FABP12: variants seen among roughly 807,000 people sequenced by gnomAD.
FABP12 encodes fatty acid-binding protein 12.
A neutral mutation model predicts 13.7 loss-of-function variants in FABP12; 19 were observed. That is an observed-to-expected ratio of 1.39 (90% CI 0.97 to 2.04). The LOEUF is 2.04. Among genes scored for constraint, FABP12 ranks in the 30% most tolerant of loss-of-function variants. The pLI is 0.00. For missense variants in FABP12, 182 were observed against 164.2 expected (o/e 1.11, Z -0.59); for synonymous variants, 61 against 57.0 (o/e 1.07, Z -0.32).
chr8:81,557,935 C>A (rs753647619), intron 1 of FABP12, among the ~76,000 whole-genome samples: 1 of 152,150 alleles, frequency 6.6e-6, no homozygotes, highest in Non-Finnish European at 1.5e-5. Flanking sequence ...GTACTCATGG[C>A]CTTGGCCCTC....
Position 81,558,885 on chromosome 8 carries a change from AT to A in FABP12, c.-184-19143del, listed in dbSNP as rs1389666990. On this transcript the variant is annotated intron_variant, in intron 1 of 5. Transcript: ENST00000692030. ...AGCCTGGGGGACAAAGTAAGGCTCC[AT>A]CAAAAAAAAAAAAAAAAAAAAAAAA... 4.2e-5 allele frequency among the ~76,000 whole-genome samples: 5 copies of A among 119,242 alleles called. No homozygotes were observed. The East Asian group carries it at 1.3e-3, about 32-fold the overall frequency. The allele number at this position is 119,242 out of a possible 152,430, so 78.2% of individuals were successfully genotyped here.
chr8:81,578,823 G>GTTTCTTTTTTTTTTTTTTTTTTT (rs71268012), intron 1 of FABP12, among the ~76,000 whole-genome samples: 4 of 105,666 alleles, frequency 3.8e-5, no homozygotes, highest in African/African-American at 1.6e-4. Context: ...ATTTGTTCAA[G>GTTTCTTTTTTTTTTTTTTTTTTT]TTTTTTTTTT....
At chr8:81,580,731 C>T (rs1010836721) in intron 1 of FABP12, among the ~76,000 whole-genome samples, 3 of 152,154 alleles carry the variant, frequency 2.0e-5, no homozygotes, top group African/African-American at 7.2e-5. Context: ...TGCCTCTCAG[C>T]TGGACCCTAG....
chr8:81,526,455 A>G (rs1808901853), intron 4 of FABP12: 1 of 152,312 alleles, frequency 6.6e-6, no homozygotes, highest in Non-Finnish European at 1.5e-5. Flanking sequence ...GCATATCCTT[A>G]GGTAAGTCAA....
At chr8:81,532,058 T>G (rs749988130) in intron 1 of FABP12, among the ~76,000 whole-genome samples, 37 of 152,318 alleles carry the variant, frequency 2.4e-4, no homozygotes, top group Non-Finnish European at 4.4e-4. Flanking sequence ...AAATATCTTT[T>G]AAGTCCTCTT....
At chr8:81,566,547 A>G (rs1473047101) in intron 1 of FABP12, among the ~76,000 whole-genome samples, 1 of 152,160 alleles carries the variant, frequency 6.6e-6, no homozygotes, top group Non-Finnish European at 1.5e-5. Context: ...CATCCTATCA[A>G]TAGAATGAAG....
chr8:81,550,736 T>C (rs112927202), intron 1 of FABP12, among the ~76,000 whole-genome samples: 1,547 of 152,270 alleles, frequency 0.01, 16 homozygotes, highest in African/African-American at 0.033. Context: ...GCTCACTTAG[T>C]CTGGAGAGTC....
chr8:81,550,209 G>C (rs560795562), intron 1 of FABP12, among the ~76,000 whole-genome samples: 1 of 152,180 alleles, frequency 6.6e-6, no homozygotes, highest in South Asian at 2.1e-4. Flanking sequence ...CCAGCTACTG[G>C]GGATACAATA....
Position 81,527,009 on chromosome 8 carries a change from G to A in FABP12, c.348+11C>T. The A allele has an allele frequency of 1.3e-6, 2 of 1,545,080 alleles. No individual in the cohort carries two copies. Among genetic ancestry groups the A allele is most frequent in the East Asian group, 2.3e-5 (1 of 44,336 alleles). Reference sequence around the variant, plus strand: ...AGAAGGTGGGAAGAAAGCGAGGATGGGCTAACTCACCACCACCATTTTCCC... The same window carrying A: ...AGAAGGTGGGAAGAAAGCGAGGATGAGCTAACTCACCACCACCATTTTCCC... On this transcript the variant is annotated intron_variant, in intron 4 of 4. Coordinates refer to ENST00000360464, the Ensembl canonical transcript of FABP12.
intron 1 of FABP12, among the ~76,000 whole-genome samples, chr8:81,548,369 A>C (rs927698033): frequency 1.3e-5 from 2 of 152,234 alleles, no homozygotes; most frequent in Non-Finnish European, 2.9e-5. Context: ...GAACACACTT[A>C]GAAAACTATT....
chr8:81,562,412 C>T (rs538824919), intron 1 of FABP12, among the ~76,000 whole-genome samples: 158 of 152,234 alleles, frequency 1.0e-3, no homozygotes, highest in African/African-American at 3.7e-3. Context: ...AAAGGGACTT[C>T]GTCTTGTAGC....
chr8:81,582,076 A>G (rs1810170928), intron 1 of FABP12, among the ~76,000 whole-genome samples: 1 of 151,406 alleles, frequency 6.6e-6, no homozygotes, highest in South Asian at 2.1e-4. Context: ...GAATGTTAAT[A>G]GGTTAAATTT....
intron 1 of FABP12, among the ~76,000 whole-genome samples, chr8:81,559,268 T>A (rs972333362): frequency 6.6e-6 from 1 of 152,218 alleles, no homozygotes; most frequent in Admixed American, 6.5e-5. Flanking sequence ...ATACATGCAG[T>A]TGGCTGCACA....
intron 1 of FABP12, among the ~76,000 whole-genome samples, chr8:81,582,281 C>T (rs1450262505): frequency 6.6e-6 from 1 of 151,752 alleles, no homozygotes; most frequent in Admixed American, 6.6e-5. Flanking sequence ...CTCCATCACG[C>T]CTGGCTAATT....
intron 1 of FABP12, among the ~76,000 whole-genome samples, chr8:81,571,102 G>A (rs1809923908): frequency 6.6e-6 from 1 of 152,172 alleles, no homozygotes; most frequent in Non-Finnish European, 1.5e-5. Flanking sequence ...AAGGTCTGGA[G>A]GAGGCCAAAG....
chr8:81,543,590 A>G lies in FABP12; in HGVS notation c.-184-3847T>C, dbSNP rs185791865. Among the ~76,000 whole-genome samples the G allele has an allele frequency of 4.3e-3, 650 of 152,352 alleles. 3 individuals carry two copies. Among genetic ancestry groups the G allele is most frequent in the Non-Finnish European group, 7.9e-3 (538 of 68,034 alleles). On this transcript the variant is annotated intron_variant, in intron 1 of 5. Coordinates refer to the FABP12 transcript ENST00000692030. The stretch of plus-strand genomic sequence containing the variant: ...ACAAGTGAGATGTTCTCATTAACCT[A>G]TAAGTATATAAAAGTATGTATACCC...
At chr8:81,589,185 C>T (rs1317507827) in intron 1 of FABP12, among the ~76,000 whole-genome samples, 4 of 152,134 alleles carry the variant, frequency 2.6e-5, no homozygotes, top group Non-Finnish European at 4.4e-5. Flanking sequence ...TGGATCTTGC[C>T]AATGCTGGAG....
intron 2 of FABP12, among the ~76,000 whole-genome samples, chr8:81,530,872 C>A (rs1297235771): frequency 6.6e-6 from 1 of 152,144 alleles, no homozygotes; most frequent in Non-Finnish European, 1.5e-5. Flanking sequence ...CTAAGGAAAG[C>A]CAGTAGCCAG....
intron 1 of FABP12, among the ~76,000 whole-genome samples, chr8:81,567,718 A>C (rs1809852549): frequency 6.6e-6 from 1 of 152,218 alleles, no homozygotes; most frequent in Non-Finnish European, 1.5e-5. Flanking sequence ...AATAAAAAAT[A>C]TTGGGGAAAC....
Sources: allele counts gnomAD v4.1 joint callset (sites outside exome capture counted in the v4.1 genomes callset), GRCh38; gene constraint gnomAD v4.1.1; transcripts MANE v1.5; gene names NCBI Gene and HGNC (gene_info 2026-07-23, HGNC 2026-07-21).